Variants in USP48 observed in about 807,000 individuals in gnomAD.
USP48 encodes the protein ubiquitin specific peptidase 48, also known as ubiquitin carboxyl-terminal hydrolase 48.
In USP48, 43 loss-of-function variants were observed where a neutral mutation model predicts 150.7. The observed-to-expected ratio is 0.29, with a 90% CI of 0.22 to 0.37. The LOEUF is 0.37. Ranked by LOEUF, USP48 falls within the 10% of genes least tolerant of loss-of-function variation. The pLI, the probability that USP48 is intolerant of heterozygous loss-of-function variation, is 1.00. For missense variants in USP48, 813 were observed against 1,249.6 expected, an observed-to-expected ratio of 0.65 and a Z score of 5.27; for synonymous variants, 396 against 425.9, an observed-to-expected ratio of 0.93 and a Z score of 0.86.
chr1:21,711,169 G>T (rs951319543), intron 15 of USP48, among the ~76,000 whole-genome samples: 1 of 151,946 alleles, frequency 6.6e-6, no homozygotes, highest in Non-Finnish European at 1.5e-5. Flanking sequence ...AATTATAAGG[G>T]TTTAAAAGAA....
chr1:21,710,306 T>C (rs1381369458), intron 15 of USP48, among the ~76,000 whole-genome samples: 2 of 152,154 alleles, frequency 1.3e-5, no homozygotes, highest in Admixed American at 6.5e-5. Context: ...TAGTTAACAA[T>C]GAATTTAGAT....
intron 19 of USP48, among the ~76,000 whole-genome samples, chr1:21,705,461 C>T (rs2097669480): frequency 6.6e-6 from 1 of 152,138 alleles, no homozygotes. Context: ...TGGTCACCAG[C>T]AGCGGGGGAA....
intron 14 of USP48, among the ~76,000 whole-genome samples, chr1:21,720,118 G>C (rs2245169): frequency 0.81 from 123,747 of 152,160 alleles, 51,033 homozygotes; most frequent in Admixed American, 0.89. Flanking sequence ...AATTTACAAG[G>C]AAAAAGCTAT....
intron 1 of USP48, among the ~76,000 whole-genome samples, chr1:21,764,722 A>T (rs2097857846): frequency 6.6e-6 from 1 of 151,666 alleles, no homozygotes; most frequent in Non-Finnish European, 1.5e-5. Flanking sequence ...AAAAAAAAAA[A>T]AAAAAAAAGA....
Position 21,756,564 on chromosome 1 carries a change from C to T in USP48, c.394G>A (p.Gly132Ser), listed in dbSNP as rs770583281. The T allele has an allele frequency of 1.8e-5, 28 of 1,580,876 alleles. No individual in the cohort carries two copies. In the East Asian group the frequency reaches 2.6e-4, roughly 15 times the overall value. ...CACCCACCTTTTTCTTCTTGGATGC[C>T]GTCTCCCAGCATGTAGTCACTACAA... ...STCSDYMLGD[G>S]IQEEKDYEPQ... Residue 132 changes from glycine (G) to serine (S), a missense_variant, in exon 3 of 27, where the codon GGC (glycine) becomes AGC (serine). Gly to Ser is a moderately conservative substitution (Grantham distance 56, BLOSUM62 0). Transcript: ENST00000308271.
intron 8 of USP48, 151 bp from the exon 9 acceptor site, chr1:21,736,776 A>G: frequency 1.7e-6 from 1 of 572,232 alleles, no homozygotes; most frequent in Non-Finnish European, 2.8e-6. Flanking sequence ...TTACAAAATA[A>G]TGTATAATTA....
In USP48 at chr1:21,679,311, G is replaced by A; in HGVS notation, c.*106C>T. On this transcript the variant is annotated 3_prime_UTR_variant, in exon 27 of 27. Coordinates refer to ENST00000308271, the MANE Select transcript of USP48 (RefSeq NM_032236.8). ...AATGGATTTCTGCCTTTTGGAAGGG[G>A]CATGTAATGGTTTAATTCTTAAATC... The A allele has an allele frequency of 7.2e-7, 1 of 1,391,398 alleles. No homozygotes were observed. The highest frequency in any genetic ancestry group is 1.0e-6 in the Non-Finnish European group (1 of 978,418). 86.2% of individuals were successfully genotyped at this position (1,391,398 alleles called of 1,614,324 possible).
chr1:21,738,045 T>C (rs1377007394), intron 8 of USP48, among the ~76,000 whole-genome samples: 1 of 151,940 alleles, frequency 6.6e-6, no homozygotes. Flanking sequence ...ATGACAGGTG[T>C]ACATTTTTAT....
At chr1:21,738,832 G>A (rs3215) in intron 8 of USP48, among the ~76,000 whole-genome samples, 10,906 of 152,170 alleles carry the variant, frequency 0.072, 471 homozygotes, top group Middle Eastern at 0.11. Flanking sequence ...GAAGGATACA[G>A]CAGTTAATTA....
rs75126540 is a variant in USP48, at chr1:21,694,115, T to C, written c.2883+951A>G. On this transcript the variant is annotated intron_variant, in intron 23 of 26. Coordinates refer to ENST00000308271, the MANE Select transcript of USP48 (RefSeq NM_032236.8). ...AATGCTTATTTATAGTACTTCAGTA[T>C]TGATACCAAGAAATAACAGTATCAT... 6.6e-3 allele frequency among the ~76,000 whole-genome samples: 1,002 copies of C among 152,314 alleles called. 10 individuals carry two copies. Among genetic ancestry groups the C allele is most frequent in the African/African-American group, 0.023 (939 of 41,560 alleles).
At position 21,775,100 on chromosome 1, in the gene USP48, T is replaced by C. The variant is rs377316705; in HGVS notation, c.134+7724A>G. ...AAGTATGTATTGTGACTCCCCTTTG[T>C]TCTTTTTCCTTTGAGACAGGGTCTT... is the stretch of plus-strand genomic sequence containing the variant. On this transcript the variant is annotated intron_variant, in intron 1 of 26. Transcript: ENST00000308271. Among the ~76,000 whole-genome samples the C allele has an allele frequency of 3.9e-5, 6 of 152,272 alleles. No individual in the cohort carries two copies. In the East Asian group the frequency reaches 7.7e-4, roughly 20 times the overall value.
Position 21,783,056 on chromosome 1 carries a change from G to C in USP48, c.-99C>G. On this transcript the variant is annotated 5_prime_UTR_variant, in exon 1 of 27. Transcript: ENST00000308271. ...GGGCTTCGCCACCTGCCAGCAAGGA[G>C]GACCTGGCGCTCCTTCAGGCAGCTG... 1 of 1,391,238 alleles carries C rather than the reference G, an allele frequency of 7.2e-7. No homozygotes were observed. Among genetic ancestry groups the C allele is most frequent in the East Asian group, 3.0e-5 (1 of 33,780 alleles). The allele number at this position is 1,391,238 out of a possible 1,614,324, so 86.2% of individuals were successfully genotyped here.
intron 16 of USP48, 34 bp downstream of exon 16, chr1:21,706,710 T>C (rs1244224369): frequency 1.2e-6 from 2 of 1,609,666 alleles, no homozygotes; most frequent in Non-Finnish European, 1.7e-6. Context: ...GGAGGTGGCA[T>C]GCCATTTCCC....
intron 8 of USP48, among the ~76,000 whole-genome samples, chr1:21,737,976 C>T (rs776218988): frequency 6.6e-6 from 1 of 152,060 alleles, no homozygotes; most frequent in Non-Finnish European, 1.5e-5. Flanking sequence ...TAGCTCACTG[C>T]AGCTTCAACC....
chr1:21,779,774 T>C (rs1195604028), intron 1 of USP48, among the ~76,000 whole-genome samples: 1 of 152,116 alleles, frequency 6.6e-6, no homozygotes, highest in East Asian at 1.9e-4. Context: ...GATGGCATAT[T>C]ATTGATCAAT....
chr1:21,701,379 AAAG>A, intron 22 of USP48, 116 bp downstream of exon 22: 21 of 741,994 alleles, frequency 2.8e-5, no homozygotes, highest in East Asian at 9.0e-5. Context: ...AAAAAAAAAA[AAAG>A]AAAAAAAAAG....
intron 25 of USP48, among the ~76,000 whole-genome samples, chr1:21,683,122 A>G (rs1371058361): frequency 1.3e-5 from 2 of 152,130 alleles, no homozygotes; most frequent in African/African-American, 2.4e-5. Flanking sequence ...TTAGCCAGGC[A>G]TGGTGTTGCA....
chr1:21,728,545 T>C (rs201847416), intron 11 of USP48, 25 bp downstream of exon 11: 1 of 1,608,242 alleles, frequency 6.2e-7, no homozygotes, highest in East Asian at 2.2e-5. Context: ...ATGGCAACAG[T>C]GCTGTCCCAG....
At chr1:21,781,306 G>A (rs1286309753) in intron 1 of USP48, among the ~76,000 whole-genome samples, 1 of 151,970 alleles carries the variant, frequency 6.6e-6, no homozygotes. Context: ...GGGCATGATG[G>A]TGCATGCCTG....
Sources: allele counts gnomAD v4.1 joint callset (sites outside exome capture counted in the v4.1 genomes callset), GRCh38; gene constraint gnomAD v4.1.1; transcripts MANE v1.5; gene names NCBI Gene and HGNC (gene_info 2026-07-23, HGNC 2026-07-21).